Variants in MAPKAP1 observed in about 807,000 individuals in gnomAD.
MAPKAP1 encodes MAPK associated protein 1, also known as target of rapamycin complex 2 subunit MAPKAP1.
A neutral mutation model predicts 65.7 loss-of-function variants in MAPKAP1; 20 were observed. The observed-to-expected ratio is 0.30, with a 90% CI of 0.21 to 0.44. MAPKAP1 has a LOEUF of 0.44. Among genes scored for constraint, MAPKAP1 ranks in the 20% least tolerant of loss-of-function variants. The probability of loss-of-function intolerance (pLI) is 1.00; values close to 1 mark genes in which losing one functional copy is unlikely to be tolerated. For missense variants in MAPKAP1, 423 were observed against 648.0 expected, an observed-to-expected ratio of 0.65 and a Z score of 3.77; for synonymous variants, 222 against 244.3, an observed-to-expected ratio of 0.91 and a Z score of 0.85.
At chr9:125,566,506 G>A (rs1454821285) in intron 5 of MAPKAP1, among the ~76,000 whole-genome samples, 1 of 152,130 alleles carries the variant, frequency 6.6e-6, no homozygotes, top group African/African-American at 2.4e-5. Context: ...TGAGGCTGCC[G>A]TGAGCTGCGA....
At chr9:125,491,372 T>C (rs190548678) in intron 8 of MAPKAP1, among the ~76,000 whole-genome samples, 6 of 151,340 alleles carry the variant, frequency 4.0e-5, no homozygotes, top group African/African-American at 1.5e-4. Context: ...GCCCAGGAGG[T>C]TGAGGCTACA....
intron 4 of MAPKAP1, among the ~76,000 whole-genome samples, chr9:125,609,195 T>C (rs1300747651): frequency 2.0e-5 from 3 of 152,196 alleles, no homozygotes; most frequent in Non-Finnish European, 4.4e-5. Flanking sequence ...GGATGCAAAA[T>C]GGTTACTTGC....
At chr9:125,687,168 A>G (rs565915606) in intron 1 of MAPKAP1, among the ~76,000 whole-genome samples, 2 of 150,930 alleles carry the variant, frequency 1.3e-5, no homozygotes, top group South Asian at 4.2e-4. Flanking sequence ...ACTGGTTCCA[A>G]TAACTACAAG....
chr9:125,693,846 TACACACAC>T lies in MAPKAP1; in HGVS notation c.-70+13117_-70+13124del, dbSNP rs1554844769. On this transcript the variant is annotated intron_variant, in intron 1 of 11. Coordinates refer to ENST00000265960, the MANE Select transcript of MAPKAP1 (RefSeq NM_001006617.3). ...ACACACACACATATATATACACACA[TACACACAC>T]ACACACACACACACACACATATATA... Among the ~76,000 whole-genome samples, 8 of 135,548 alleles carry T rather than the reference TACACACAC, an allele frequency of 5.9e-5. No homozygotes were observed. The East Asian group carries it at 8.4e-4, about 14-fold the overall frequency. 88.9% of individuals were successfully genotyped at this position (135,548 alleles called of 152,430 possible).
In MAPKAP1 at chr9:125,556,971, G is replaced by A. The variant is rs1232886350; in HGVS notation, c.848+2662C>T. 2.0e-5 allele frequency among the ~76,000 whole-genome samples: 3 copies of A among 152,038 alleles called. No homozygotes were observed. The South Asian group carries it at 6.2e-4, about 32-fold the overall frequency. The stretch of plus-strand genomic sequence containing the variant: ...ACATATAAAGATTTCACTTTACCTC[G>A]TGTTTTCAGAAACACTCCAGACACA... On this transcript the variant is annotated intron_variant, in intron 6 of 11. Transcript: ENST00000265960.
intron 3 of MAPKAP1, among the ~76,000 whole-genome samples, chr9:125,665,262 T>A (rs1834308094): frequency 6.6e-6 from 1 of 152,002 alleles, no homozygotes; most frequent in Non-Finnish European, 1.5e-5. Flanking sequence ...GAGCCAAAAC[T>A]GTGCCACTGC....
intron 4 of MAPKAP1, among the ~76,000 whole-genome samples, chr9:125,641,027 T>C (rs567964519): frequency 2.8e-4 from 42 of 152,330 alleles, no homozygotes; most frequent in African/African-American, 9.9e-4. Context: ...CTTAGGCAAG[T>C]TGTTTAATCT....
intron 8 of MAPKAP1, among the ~76,000 whole-genome samples, chr9:125,500,351 CT>C (rs34872033): frequency 0.022 from 2,960 of 136,422 alleles, 56 homozygotes; most frequent in African/African-American, 0.057. Context: ...CCATCCCTGG[CT>C]TTTTTTTTTT....
At chr9:125,460,267 T>G (rs1853435097) in intron 10 of MAPKAP1, among the ~76,000 whole-genome samples, 1 of 151,846 alleles carries the variant, frequency 6.6e-6, no homozygotes, top group Admixed American at 6.6e-5. Context: ...AGTCAACAAT[T>G]AAGTGAAAAC....
intron 4 of MAPKAP1, among the ~76,000 whole-genome samples, chr9:125,648,135 A>C (rs1833783919): frequency 6.6e-6 from 1 of 152,134 alleles, no homozygotes; most frequent in Non-Finnish European, 1.5e-5. Context: ...CGACTGCAAG[A>C]GTCTAGGAAA....
chr9:125,596,924 A>G (rs550791737), intron 4 of MAPKAP1, among the ~76,000 whole-genome samples: 1 of 151,516 alleles, frequency 6.6e-6, no homozygotes, highest in Admixed American at 6.6e-5. Context: ...TTGATTGCTA[A>G]ATGTAACAGT....
rs1853712824 is a variant in MAPKAP1 at position 125,467,247 on chromosome 9, A to C, written c.1345+725T>G. On this transcript the variant is annotated intron_variant, in intron 10 of 11. Transcript: ENST00000265960. ...TTAAATTTTTTTCTTTCACAGAGGA[A>C]TTTCAGTGTGATCTATGTGCCCTTT... is the stretch of plus-strand genomic sequence containing the variant. 2.6e-5 allele frequency among the ~76,000 whole-genome samples: 4 copies of C among 152,210 alleles called. No homozygotes were observed. The South Asian group carries it at 8.3e-4, about 32-fold the overall frequency.
At chr9:125,554,651 T>C (rs889434183) in intron 6 of MAPKAP1, among the ~76,000 whole-genome samples, 5 of 152,014 alleles carry the variant, frequency 3.3e-5, no homozygotes, top group East Asian at 1.9e-4. Flanking sequence ...ATAGAGTTAG[T>C]TGGGCATGGT....
At chr9:125,614,393 G>A (rs1179521201) in intron 4 of MAPKAP1, among the ~76,000 whole-genome samples, 1 of 152,168 alleles carries the variant, frequency 6.6e-6, no homozygotes, top group Non-Finnish European at 1.5e-5. Flanking sequence ...GGAGCCCAAG[G>A]TGGGCAGATC....
intron 6 of MAPKAP1, among the ~76,000 whole-genome samples, chr9:125,551,305 G>C (rs1830577975): frequency 6.6e-6 from 1 of 152,118 alleles, no homozygotes; most frequent in Admixed American, 6.5e-5. Flanking sequence ...TTATCATCAA[G>C]AAGGTAAACT....
intron 11 of MAPKAP1, among the ~76,000 whole-genome samples, chr9:125,442,268 A>G (rs930909213): frequency 3.9e-5 from 6 of 152,138 alleles, no homozygotes; most frequent in African/African-American, 1.4e-4. Flanking sequence ...GCATGACACA[A>G]TATTTCTGCA....
chr9:125,706,994 G>A lies in MAPKAP1; in HGVS notation c.-93C>T, dbSNP rs1023418653. On this transcript the variant is annotated 5_prime_UTR_variant, in exon 1 of 12. Transcript: ENST00000265960. The stretch of plus-strand genomic sequence containing the variant: ...ACCTGAAGCTGCTTCCACACTACGG[G>A]CCGGGTCGGCCCCGGGACACGTTCC... 3.3e-5 allele frequency: 13 copies of A among 396,142 alleles called. No homozygotes were observed. The highest frequency in any genetic ancestry group is 4.9e-5 in the Non-Finnish European group (11 of 224,960). 24.5% of individuals were successfully genotyped at this position (396,142 alleles called of 1,614,324 possible). A position where few individuals can be genotyped will look rare whatever the true frequency, so the allele number is the denominator to read the frequency against.
At chr9:125,513,569 A>G (rs1829372023) in intron 7 of MAPKAP1, among the ~76,000 whole-genome samples, 1 of 152,224 alleles carries the variant, frequency 6.6e-6, no homozygotes, top group African/African-American at 2.4e-5. Flanking sequence ...ATTTAAACTC[A>G]TCTGTAAAAT....
At chr9:125,680,981 C>T (rs1834805449) in intron 1 of MAPKAP1, among the ~76,000 whole-genome samples, 1 of 152,190 alleles carries the variant, frequency 6.6e-6, no homozygotes, top group Non-Finnish European at 1.5e-5. Flanking sequence ...TGAGCTCTTA[C>T]CATGAGATGT....
Sources: allele counts gnomAD v4.1 joint callset (sites outside exome capture counted in the v4.1 genomes callset), GRCh38; gene constraint gnomAD v4.1.1; transcripts MANE v1.5; gene names NCBI Gene and HGNC (gene_info 2026-07-23, HGNC 2026-07-21).